Variants in ALG9 observed in about 807,000 individuals in gnomAD.
ALG9 encodes the protein alpha-1,2-mannosyltransferase ALG9.
A neutral mutation model predicts 81.8 loss-of-function variants in ALG9; 55 were observed. The observed-to-expected ratio is 0.67, with a 90% confidence interval of 0.54 to 0.84. The LOEUF is 0.84. ALG9 is among the 40% of genes least tolerant of loss of function. ALG9 has a pLI of 0.00. For missense variants in ALG9, 629 were observed against 745.0 expected, an observed-to-expected ratio of 0.84 and a Z score of 1.81; for synonymous variants, 278 against 274.3, an observed-to-expected ratio of 1.01 and a Z score of -0.13.
chr11:111,853,370 A>G lies in ALG9; in HGVS notation c.895+10T>C. The stretch of plus-strand genomic sequence containing the variant: ...CTCCTAACACTTGCCCAAATTTCAC[A>G]AAGCCTTACCATAAAGATCAGGTCC... On this transcript the variant is annotated intron_variant, in intron 8 of 14. Transcript: ENST00000616540. The G allele has an allele frequency of 6.2e-7, 1 of 1,609,458 alleles. No individual in the cohort carries two copies.
At chr11:111,830,895 G>A (rs1420866723) in intron 13 of ALG9, among the ~76,000 whole-genome samples, 1 of 152,050 alleles carries the variant, frequency 6.6e-6, no homozygotes, top group Admixed American at 6.6e-5. Context: ...AATGAGTTGG[G>A]CACAGTGGCT....
rs1349010842 is a variant in ALG9, at chr11:111,838,388, C to A, written c.1185G>T (p.Leu395=). Residue 395 remains leucine (L), a synonymous_variant, in exon 11 of 15, where the codon CTG becomes CTT. Coordinates refer to ENST00000616540, the MANE Select transcript of ALG9 (RefSeq NM_024740.2). The part of the protein sequence containing the change: ...VALSALQHSF[L]YFQKCYHFVF... ...CAAAGTGGTAACATTTCTGGAAGTA[C>A]AGAAAACTGTGCTGATAAAAGAAAA... The A allele has an allele frequency of 1.2e-6, 2 of 1,611,688 alleles. No homozygotes were observed. Among genetic ancestry groups the A allele is most frequent in the Non-Finnish European group, 1.7e-6 (2 of 1,177,940 alleles).
intron 11 of ALG9, 138 bp downstream of exon 11, chr11:111,838,111 A>T: frequency 2.2e-6 from 2 of 908,374 alleles, no homozygotes; most frequent in Non-Finnish European, 3.4e-6. Context: ...GCCACTCATT[A>T]ATATTAAGTC....
chr11:111,769,733 T>C, the ALG9 span, among the ~76,000 whole-genome samples: 1 of 152,208 alleles, frequency 6.6e-6, no homozygotes, highest in Admixed American at 6.5e-5. Context: ...AAGAGAGCCT[T>C]AATATGCTAA....
chr11:111,865,159 G>T, intron 4 of ALG9, 22 bp downstream of exon 4: 1 of 1,525,714 alleles, frequency 6.6e-7, no homozygotes, highest in Non-Finnish European at 8.8e-7. Context: ...AGCACTTTTA[G>T]AAGCAAAGTT....
chr11:111,838,846 G>A (rs762226490), intron 10 of ALG9, among the ~76,000 whole-genome samples: 2 of 151,916 alleles, frequency 1.3e-5, no homozygotes, highest in Non-Finnish European at 1.5e-5. Context: ...AGAACACTAG[G>A]AACATGCTCT....
intron 5 of ALG9, among the ~76,000 whole-genome samples, chr11:111,859,052 T>C (rs1433160569): frequency 2.0e-5 from 3 of 151,910 alleles, no homozygotes; most frequent in Non-Finnish European, 4.4e-5. Context: ...CAAAAAACTT[T>C]AAAACTAGCC....
intron 10 of ALG9, 140 bp from the exon 11 acceptor site, chr11:111,838,539 T>C: frequency 2.7e-6 from 2 of 728,316 alleles, no homozygotes; most frequent in South Asian, 3.9e-5. Flanking sequence ...AACTCTAAGA[T>C]AAAAGCCAAC....
rs45574638 is a variant in ALG9 at position 111,865,258 on chromosome 11, G to A, written c.406-7C>T. The A allele has an allele frequency of 0.032, 49,359 of 1,548,022 alleles. 906 individuals carry two copies. Among genetic ancestry groups the A allele is most frequent in the Non-Finnish European group, 0.037 (42,176 of 1,145,134 alleles). On this transcript the variant is annotated splice_polypyrimidine_tract_variant and splice_region_variant and intron_variant, in intron 3 of 14. Transcript: ENST00000616540. ...AAAAGTAAAACACAAGAATCTAAAA[G>A]AAACCCAGAAAAAGAAAACAGAAGT...
chr11:111,839,337 G>A (rs983089897), intron 10 of ALG9, among the ~76,000 whole-genome samples: 1 of 152,138 alleles, frequency 6.6e-6, no homozygotes, highest in Non-Finnish European at 1.5e-5. Flanking sequence ...TGTAATCCCA[G>A]CACTTTGGGA....
intron 12 of ALG9, among the ~76,000 whole-genome samples, chr11:111,837,178 G>A (rs754730100): frequency 1.3e-5 from 2 of 152,022 alleles, no homozygotes; most frequent in Non-Finnish European, 2.9e-5. Flanking sequence ...GAATCCCCAC[G>A]AAGAGCCACT....
intron 13 of ALG9, among the ~76,000 whole-genome samples, chr11:111,818,812 C>G (rs79602236): frequency 1.6e-3 from 236 of 151,452 alleles, no homozygotes; most frequent in African/African-American, 5.5e-3. Flanking sequence ...GTCTACTTAA[C>G]AAATACATGA....
intron 13 of ALG9, among the ~76,000 whole-genome samples, chr11:111,825,493 T>C (rs1555107461): frequency 1.3e-5 from 2 of 152,202 alleles, no homozygotes; most frequent in African/African-American, 4.8e-5. Context: ...TATTTCATAC[T>C]TCAGGCCTTT....
chr11:111,839,425 A>G (rs1480993387), intron 10 of ALG9, among the ~76,000 whole-genome samples: 2 of 152,010 alleles, frequency 1.3e-5, no homozygotes, highest in Non-Finnish European at 2.9e-5. Flanking sequence ...TCTCTACTAA[A>G]AATACAAAAA....
At chr11:111,864,356 T>C (rs1236559631) in intron 4 of ALG9, 1 of 768,124 alleles carries the variant, frequency 1.3e-6, no homozygotes, top group South Asian at 1.4e-5. Context: ...AGCTGCAGAC[T>C]TCAAACAATT....
In ALG9 at chr11:111,860,622, TC is replaced by T; in HGVS notation, c.489del (p.Lys164SerfsTer6). 6.2e-7 allele frequency: 1 copy of T among 1,613,608 alleles called. No homozygotes were observed. Among genetic ancestry groups the T allele is most frequent in the Non-Finnish European group, 8.5e-7 (1 of 1,179,724 alleles). ...CELYFYKAVCKKFGLHVSRMM... is the reference protein window; with the variant it reads ...CELYFYKAVCXKFGLHVSRMM... ...ATTCGACTCACGTGCAACCCAAACT[TC>T]TTGCACACAGCCCTAGGAAAAAGGC... On this transcript the variant is annotated frameshift_variant, in exon 5 of 15. Transcript: ENST00000616540. LOFTEE classifies it high-confidence loss of function.
chr11:111,852,714 T>C (rs1555139740), intron 8 of ALG9, among the ~76,000 whole-genome samples: 1 of 152,064 alleles, frequency 6.6e-6, no homozygotes, highest in East Asian at 1.9e-4. Flanking sequence ...GGCGGGTGGA[T>C]CACCTGAGGT....
intron 8 of ALG9, among the ~76,000 whole-genome samples, chr11:111,847,190 A>G (rs1957070129): frequency 6.6e-6 from 1 of 151,908 alleles, no homozygotes; most frequent in South Asian, 2.1e-4. Context: ...GTTCAAGAGA[A>G]ATGATTAACA....
chr11:111,871,244 G>A (rs1179205514), intron 1 of ALG9, 108 bp downstream of exon 1: 11 of 1,315,474 alleles, frequency 8.4e-6, no homozygotes, highest in Middle Eastern at 5.7e-4. Context: ...GCCTCCCGCG[G>A]TGAGGCCAGG....
Sources: gnomAD v4.1 joint callset for allele counts (sites outside exome capture counted in the v4.1 genomes callset) on GRCh38, gnomAD v4.1.1 for gene constraint, MANE v1.5 for transcripts, NCBI Gene and HGNC (gene_info 2026-07-23, HGNC 2026-07-21) for gene names.